AFAP1: variants seen among roughly 807,000 people sequenced by gnomAD.
AFAP1 encodes actin filament-associated protein 1.
Under a neutral mutation model 93.9 loss-of-function variants are expected in AFAP1, and 75 were observed. That is an observed-to-expected ratio of 0.80 (90% CI 0.66 to 0.97). The LOEUF (loss-of-function observed/expected upper bound fraction) is 0.97, where lower values mean the gene tolerates loss of function less well. Among genes scored for constraint, AFAP1 ranks in the 50% least tolerant of loss-of-function variants. The pLI is 0.00. For synonymous variants in AFAP1, 517 were observed against 430.7 expected (o/e 1.20, Z -2.48); for missense variants, 1,201 against 1,050.8 (o/e 1.14, Z -1.98).
At chr4:7,802,750 C>G (rs867437316) in intron 9 of AFAP1, among the ~76,000 whole-genome samples, 14 of 151,304 alleles carry the variant, frequency 9.3e-5, no homozygotes, top group Middle Eastern at 6.8e-3. Flanking sequence ...CCCGGGTTCA[C>G]GCCATTCTCC....
intron 11 of AFAP1, among the ~76,000 whole-genome samples, chr4:7,790,257 C>T (rs1462682729): frequency 6.6e-6 from 1 of 152,178 alleles, no homozygotes; most frequent in Non-Finnish European, 1.5e-5. Context: ...TGAAAATAAG[C>T]TTTATTGCTA....
chr4:7,893,484 G>A (rs1478603379), intron 1 of AFAP1, among the ~76,000 whole-genome samples: 3 of 151,342 alleles, frequency 2.0e-5, no homozygotes, highest in African/African-American at 4.9e-5. Context: ...GGGAGGCTGA[G>A]GCAGGAGAAT....
intron 4 of AFAP1, among the ~76,000 whole-genome samples, chr4:7,851,737 C>A (rs970629698): frequency 6.6e-6 from 1 of 152,220 alleles, no homozygotes; most frequent in Non-Finnish European, 1.5e-5. Flanking sequence ...AGTACCCTAC[C>A]TGCCAACAGC....
intron 1 of AFAP1, among the ~76,000 whole-genome samples, chr4:7,931,749 A>G (rs16841456): frequency 0.025 from 3,764 of 152,208 alleles, 147 homozygotes; most frequent in African/African-American, 0.084. Context: ...GCTATAAATC[A>G]TCTCCCCATA....
chr4:7,822,894 CTCTT>C lies in AFAP1; in HGVS notation c.727-3727_727-3724del, dbSNP rs997142714. ...AGGCGTGAGCCACTGCGCCCGGCCC[CTCTT>C]TCTTTTTTTTTTTCAACAGGGGAAC... On this transcript the variant is annotated intron_variant, in intron 6 of 17. Coordinates refer to ENST00000420658, the MANE Select transcript of AFAP1 (RefSeq NM_001134647.2). Among the ~76,000 whole-genome samples, 12 of 146,722 alleles carry C rather than the reference CTCTT, an allele frequency of 8.2e-5. No individual in the cohort carries two copies. The East Asian group carries it at 1.6e-3, about 19-fold the overall frequency.
chr4:7,862,407 G>A (rs1233484257), intron 3 of AFAP1: 1 of 97,752 alleles, frequency 1.0e-5, no homozygotes, highest in Non-Finnish European at 2.1e-5. Context: ...GGCGGGGGGG[G>A]GGGGGGGCGC....
At chr4:7,842,726 C>T (rs1256431203) in intron 5 of AFAP1, 1 of 161,482 alleles carries the variant, frequency 6.2e-6, no homozygotes, top group Non-Finnish European at 1.4e-5. Flanking sequence ...CCAAGCTTTC[C>T]AGAAGAATTT....
At chr4:7,822,900 C>CT (rs5855985) in intron 6 of AFAP1, among the ~76,000 whole-genome samples, 30,614 of 147,754 alleles carry the variant, frequency 0.21, 3,342 homozygotes, top group African/African-American at 0.3. Flanking sequence ...GCCCCTCTTT[C>CT]TTTTTTTTTT....
intron 1 of AFAP1, among the ~76,000 whole-genome samples, chr4:7,903,609 G>A (rs1719237430): frequency 1.3e-5 from 2 of 152,360 alleles, no homozygotes; most frequent in South Asian, 4.1e-4. Context: ...AACCTGGGAG[G>A]TAGAGGTTGC....
intron 9 of AFAP1, chr4:7,809,320 G>T: frequency 5.1e-6 from 1 of 196,692 alleles, no homozygotes; most frequent in Non-Finnish European, 1.0e-5. Flanking sequence ...TGCGTATGTT[G>T]TCCTTTAAAA....
intron 17 of AFAP1, among the ~76,000 whole-genome samples, chr4:7,768,378 C>G (rs1449710690): frequency 6.6e-6 from 1 of 152,216 alleles, no homozygotes; most frequent in Non-Finnish European, 1.5e-5. Context: ...CAGGTTCCTC[C>G]GAGGCCCTCA....
intron 13 of AFAP1, among the ~76,000 whole-genome samples, chr4:7,780,719 G>A (rs73797313): frequency 0.011 from 1,659 of 151,950 alleles, 32 homozygotes; most frequent in African/African-American, 0.038. Context: ...GATACAGGGT[G>A]TGCAATGGAC....
intron 17 of AFAP1, among the ~76,000 whole-genome samples, chr4:7,764,845 G>T (rs541105300): frequency 6.6e-6 from 1 of 152,330 alleles, no homozygotes; most frequent in Admixed American, 6.5e-5. Context: ...CTCATGCCTG[G>T]AATCCCAGCA....
chr4:7,806,223 C>T (rs947860283), intron 9 of AFAP1, among the ~76,000 whole-genome samples: 1 of 152,232 alleles, frequency 6.6e-6, no homozygotes, highest in African/African-American at 2.4e-5. Flanking sequence ...ATAGGCGTTG[C>T]AGGGTTAGGC....
At chr4:7,859,113 A>T (rs1466251507) in intron 3 of AFAP1, among the ~76,000 whole-genome samples, 1 of 152,168 alleles carries the variant, frequency 6.6e-6, no homozygotes, top group Non-Finnish European at 1.5e-5. Flanking sequence ...CTCACAAAAC[A>T]CAAGCTAAGG....
At chr4:7,822,739 T>C (rs1721082607) in intron 6 of AFAP1, among the ~76,000 whole-genome samples, 1 of 144,964 alleles carries the variant, frequency 6.9e-6, no homozygotes, top group Non-Finnish European at 1.5e-5. Context: ...CGCCCGCCAC[T>C]GCGCCCGGCT....
Position 7,765,372 on chromosome 4 carries a change from G to A in AFAP1, c.2419-1581C>T, listed in dbSNP as rs1237199625. Among the ~76,000 whole-genome samples, 7 of 152,246 alleles carry A rather than the reference G, an allele frequency of 4.6e-5. No homozygotes were observed. In the East Asian group the frequency reaches 5.8e-4, roughly 13 times the overall value. ...GATTCCCCACCACCCTGTGCCCCTC[G>A]TCCTGACTCAGGGAGGCAATGCTCC... On this transcript the variant is annotated intron_variant, in intron 17 of 17. Transcript: ENST00000420658.
intron 4 of AFAP1, among the ~76,000 whole-genome samples, chr4:7,844,997 T>C (rs1425192222): frequency 6.6e-6 from 1 of 152,272 alleles, no homozygotes; most frequent in Non-Finnish European, 1.5e-5. Context: ...CTCATATTTT[T>C]ACTTGCTGGA....
intron 5 of AFAP1, among the ~76,000 whole-genome samples, chr4:7,840,305 GGT>G (rs5855989): frequency 8.6e-4 from 113 of 131,208 alleles, no homozygotes; most frequent in Middle Eastern, 4.1e-3. Flanking sequence ...TTGTTTTTGG[GGT>G]GTGTGTGTGT....
Sources: gnomAD v4.1 joint callset for allele counts (sites outside exome capture counted in the v4.1 genomes callset) on GRCh38, gnomAD v4.1.1 for gene constraint, MANE v1.5 for transcripts, NCBI Gene and HGNC (gene_info 2026-07-23, HGNC 2026-07-21) for gene names.